Variants in PRKCB observed in about 807,000 individuals in gnomAD.
PRKCB encodes protein kinase C beta.
Under a neutral mutation model 81.5 loss-of-function variants are expected in PRKCB, and 13 were observed. The observed-to-expected ratio is 0.16, with a 90% CI of 0.10 to 0.25. The LOEUF is 0.25. Ranked by LOEUF, PRKCB falls within the 10% of genes least tolerant of loss-of-function variation. The pLI is 1.00. For synonymous variants in PRKCB, 335 were observed against 321.4 expected, an observed-to-expected ratio of 1.04 and a Z score of -0.45; for missense variants, 509 against 875.7, an observed-to-expected ratio of 0.58 and a Z score of 5.29.
intron 8 of PRKCB, among the ~76,000 whole-genome samples, chr16:24,122,582 C>T (rs1313572179): frequency 1.3e-5 from 2 of 151,950 alleles, no homozygotes. Context: ...ACCTTGGCCT[C>T]CCAGGTAGCT....
intron 3 of PRKCB, among the ~76,000 whole-genome samples, chr16:24,024,090 T>C (rs1965444242): frequency 6.6e-6 from 1 of 152,232 alleles, no homozygotes; most frequent in Non-Finnish European, 1.5e-5. Flanking sequence ...CCTGGGGTCA[T>C]GTAGTCTTTG....
chr16:23,958,977 C>T (rs1964388728), intron 2 of PRKCB, among the ~76,000 whole-genome samples: 1 of 152,112 alleles, frequency 6.6e-6, no homozygotes, highest in African/African-American at 2.4e-5. Context: ...GTACCTCGGG[C>T]AAGTTACCTA....
intron 2 of PRKCB, among the ~76,000 whole-genome samples, chr16:23,957,612 C>T (rs960284444): frequency 6.6e-6 from 1 of 152,158 alleles, no homozygotes; most frequent in Non-Finnish European, 1.5e-5. Flanking sequence ...GTCTGAGTCT[C>T]TCGTCTGTTC....
chr16:23,995,535 C>T (rs1028432120), intron 3 of PRKCB, among the ~76,000 whole-genome samples: 1 of 152,140 alleles, frequency 6.6e-6, no homozygotes, highest in African/African-American at 2.4e-5. Flanking sequence ...ACCGGGCCTT[C>T]GTGGAAACTG....
chr16:24,148,788 A>G (rs1221703799), intron 9 of PRKCB, among the ~76,000 whole-genome samples: 1 of 152,188 alleles, frequency 6.6e-6, no homozygotes, highest in Non-Finnish European at 1.5e-5. Flanking sequence ...TTATTTTTGT[A>G]AATAAAGTTT....
chr16:24,150,991 T>TG (rs1195045276), intron 9 of PRKCB, among the ~76,000 whole-genome samples: 1 of 152,230 alleles, frequency 6.6e-6, no homozygotes, highest in Non-Finnish European at 1.5e-5. Flanking sequence ...TCTGTACAAA[T>TG]GCAATAGTAT....
chr16:24,172,237 A>G (rs978539712), intron 10 of PRKCB, 33 bp from the exon 11 acceptor site: 2 of 1,536,100 alleles, frequency 1.3e-6, no homozygotes, highest in Non-Finnish European at 1.8e-6. Context: ...AAGCTACGGG[A>G]TGCTAATGTT....
chr16:24,164,638 AGGAGAGAG>A (rs1437897352), intron 10 of PRKCB, among the ~76,000 whole-genome samples: 3 of 152,226 alleles, frequency 2.0e-5, no homozygotes, highest in Non-Finnish European at 2.9e-5. Flanking sequence ...ACTGGAGCTC[AGGAGAGAG>A]GGAGAGGATA....
intron 2 of PRKCB, among the ~76,000 whole-genome samples, chr16:23,902,014 C>T (rs554831572): frequency 3.9e-5 from 6 of 152,178 alleles, no homozygotes; most frequent in African/African-American, 1.4e-4. Context: ...AAAGAGAAAA[C>T]TTGATGGCAG....
intron 3 of PRKCB, among the ~76,000 whole-genome samples, chr16:24,027,930 T>C (rs1965503142): frequency 1.3e-5 from 2 of 151,902 alleles, no homozygotes; most frequent in Admixed American, 1.3e-4. Context: ...CCACTATGTC[T>C]GGCTTTAATA....
Position 24,219,691 on chromosome 16 carries a change from C to T in PRKCB, c.*4875C>T. 7.7e-7 allele frequency: 1 copy of T among 1,294,646 alleles called. No individual in the cohort carries two copies. Among genetic ancestry groups the T allele is most frequent in the South Asian group, 1.8e-5 (1 of 56,310 alleles). The allele number at this position is 1,294,646 out of a possible 1,614,324, so 80.2% of individuals were successfully genotyped here. A position where few individuals can be genotyped will look rare whatever the true frequency, so the allele number is the denominator to read the frequency against. On this transcript the variant is annotated 3_prime_UTR_variant, in exon 17 of 17. Transcript: ENST00000643927. ...ACACACACACACACACACACACACACACACACACACACCACTTTATGGCAA... is the reference window on the plus strand; with the variant it reads ...ACACACACACACACACACACACACATACACACACACACCACTTTATGGCAA...
chr16:24,117,966 C>T (rs565922772), intron 8 of PRKCB, among the ~76,000 whole-genome samples: 16 of 152,364 alleles, frequency 1.1e-4, no homozygotes, highest in African/African-American at 3.8e-4. Context: ...GCCCTGTGCG[C>T]TGTGCCCGCT....
intron 7 of PRKCB, 75 bp downstream of exon 7, chr16:24,094,372 T>C (rs1444440331): frequency 1.3e-6 from 2 of 1,547,778 alleles, no homozygotes; most frequent in Non-Finnish European, 1.7e-6. Context: ...GTTTTCCTTT[T>C]TCTCCAAAAA....
chr16:24,014,280 G>A (rs527656953), intron 3 of PRKCB, among the ~76,000 whole-genome samples: 1 of 152,278 alleles, frequency 6.6e-6, no homozygotes, highest in African/African-American at 2.4e-5. Flanking sequence ...AGAGGGGTGG[G>A]GAGGGGAGGA....
chr16:24,098,902 T>G (rs559252173), intron 7 of PRKCB: 1 of 152,332 alleles, frequency 6.6e-6, no homozygotes, highest in Non-Finnish European at 1.5e-5. Flanking sequence ...CACGGTCATC[T>G]TTTTGGTTTT....
chr16:24,184,970 C>G, intron 13 of PRKCB, 141 bp from the exon 14 acceptor site: 1 of 738,820 alleles, frequency 1.4e-6, no homozygotes, highest in Non-Finnish European at 2.3e-6. Flanking sequence ...CTCTGCAAAG[C>G]ATGTCTGTCA....
At chr16:23,956,738 C>G (rs1199421224) in intron 2 of PRKCB, among the ~76,000 whole-genome samples, 2 of 151,984 alleles carry the variant, frequency 1.3e-5, no homozygotes. Context: ...AAACACATTT[C>G]AAATAATTGC....
chr16:24,193,544 T>C (rs1400019435), intron 16 of PRKCB, among the ~76,000 whole-genome samples: 1 of 152,060 alleles, frequency 6.6e-6, no homozygotes, highest in Non-Finnish European at 1.5e-5. Context: ...ATTCCTGGGC[T>C]CAAGTGATCC....
intron 2 of PRKCB, among the ~76,000 whole-genome samples, chr16:23,871,891 A>G (rs1253101283): frequency 6.8e-6 from 1 of 147,672 alleles, no homozygotes; most frequent in Non-Finnish European, 1.5e-5. Context: ...AAATCTTTTC[A>G]TAGCATCTGT....
Sources: allele counts gnomAD v4.1 joint callset (sites outside exome capture counted in the v4.1 genomes callset), GRCh38; gene constraint gnomAD v4.1.1; transcripts MANE v1.5; gene names NCBI Gene and HGNC (gene_info 2026-07-23, HGNC 2026-07-21).